CHN1: variants seen among roughly 807,000 people sequenced by gnomAD.
The protein encoded by CHN1 is N-chimaerin.
Under a neutral mutation model 59.5 loss-of-function variants are expected in CHN1, and 37 were observed. The observed-to-expected ratio is 0.62, with a 90% confidence interval of 0.48 to 0.82. CHN1 has a LOEUF of 0.82. Ranked by LOEUF, CHN1 falls within the 40% of genes least tolerant of loss-of-function variation. The probability of loss-of-function intolerance (pLI) is 0.00; values close to 1 mark genes in which losing one functional copy is unlikely to be tolerated. For missense variants in CHN1, 469 were observed against 571.0 expected (o/e 0.82, Z 1.82); for synonymous variants, 206 against 200.4 (o/e 1.03, Z -0.24).
chr2:174,812,587 T>A, intron 8 of CHN1, 105 bp from the exon 9 acceptor site: 1 of 942,230 alleles, frequency 1.1e-6, no homozygotes, highest in Non-Finnish European at 1.6e-6. Context: ...AATTAGGTTT[T>A]AAAGTGGACT....
chr2:174,872,025 T>C (rs1364585937), intron 6 of CHN1, among the ~76,000 whole-genome samples: 1 of 152,182 alleles, frequency 6.6e-6, no homozygotes, highest in East Asian at 1.9e-4. Context: ...CTCACGTCTG[T>C]AATCCCAGCA....
intron 6 of CHN1, among the ~76,000 whole-genome samples, chr2:174,851,659 C>T (rs1686733653): frequency 6.6e-6 from 1 of 152,132 alleles, no homozygotes; most frequent in Non-Finnish European, 1.5e-5. Context: ...GGGGAACGGG[C>T]AGATTCCACA....
In CHN1 at chr2:174,801,885, ATTC is replaced by A. The variant is rs1684734278; in HGVS notation, c.1103-76_1103-74del. ...TGATACAAATGGTTCACTGAATTCT[ATTC>A]TTGTGATAATGCTCTGAAACTGGTA... On this transcript the variant is annotated intron_variant, in intron 11 of 12. Coordinates refer to ENST00000409900, the MANE Select transcript of CHN1 (RefSeq NM_001822.7). The A allele has an allele frequency of 4.6e-6, 5 of 1,090,468 alleles. No homozygotes were observed. In the Admixed American group the frequency reaches 8.6e-5, roughly 19 times the overall value. 67.5% of individuals were successfully genotyped at this position (1,090,468 alleles called of 1,614,324 possible). A position where few individuals can be genotyped will look rare whatever the true frequency, so the allele number is the denominator to read the frequency against.
chr2:174,940,616 C>T (rs1482524612), intron 3 of CHN1, among the ~76,000 whole-genome samples: 4 of 151,834 alleles, frequency 2.6e-5, no homozygotes, highest in East Asian at 1.9e-4. Context: ...TTGTCTGATT[C>T]GTACTTTATA....
chr2:174,937,037 A>G (rs1184310784), intron 3 of CHN1, among the ~76,000 whole-genome samples: 1 of 152,230 alleles, frequency 6.6e-6, no homozygotes, highest in African/African-American at 2.4e-5. Flanking sequence ...TTAGGAAAAA[A>G]GCATTAGTTA....
At chr2:174,836,150 T>TC (rs1266420292) in intron 7 of CHN1, among the ~76,000 whole-genome samples, 3 of 152,134 alleles carry the variant, frequency 2.0e-5, no homozygotes, top group South Asian at 2.1e-4. Context: ...CTGCTTGGAC[T>TC]CCCCCTCCAT....
intron 12 of CHN1, among the ~76,000 whole-genome samples, chr2:174,801,164 A>C (rs1007608023): frequency 6.6e-6 from 1 of 152,200 alleles, no homozygotes; most frequent in African/African-American, 2.4e-5. Flanking sequence ...AAAACATCAA[A>C]CCACAATTAA....
intron 8 of CHN1, among the ~76,000 whole-genome samples, chr2:174,813,911 T>C (rs1311290552): frequency 3.9e-5 from 6 of 152,226 alleles, no homozygotes; most frequent in Non-Finnish European, 7.3e-5. Context: ...GCTTTGAATG[T>C]TGTAAAATGC....
At chr2:174,812,192 C>T in intron 9 of CHN1, 117 bp downstream of exon 9, 1 of 727,872 alleles carries the variant, frequency 1.4e-6, no homozygotes, top group Non-Finnish European at 2.1e-6. Flanking sequence ...CATATGAAAC[C>T]ATTCCCCTCC....
chr2:174,830,999 C>T (rs1213771607), intron 7 of CHN1, among the ~76,000 whole-genome samples: 1 of 152,060 alleles, frequency 6.6e-6, no homozygotes, highest in African/African-American at 2.4e-5. Context: ...GACCATACCA[C>T]AAATAAATGA....
intron 3 of CHN1, among the ~76,000 whole-genome samples, 196 bp downstream of exon 3, chr2:174,944,692 C>T (rs1689774408): frequency 6.6e-6 from 1 of 152,084 alleles, no homozygotes; most frequent in South Asian, 2.1e-4. Flanking sequence ...ATACTGTGTT[C>T]CAAACAGTCC....
rs115345038 is a variant in CHN1 at position 174,984,185 on chromosome 2, C to A, written c.19+20709G>T. Among the ~76,000 whole-genome samples, 570 of 151,838 alleles carry A rather than the reference C, an allele frequency of 3.8e-3. 4 individuals are homozygous for A. The highest frequency in any genetic ancestry group is 0.013 in the African/African-American group (546 of 41,418). ...AAAATAAACACTTTTAAAATAAGATCTTTCAAAGATGTCAGTGGATGAATC... is the reference window on the plus strand; with the variant it reads ...AAAATAAACACTTTTAAAATAAGATATTTCAAAGATGTCAGTGGATGAATC... On this transcript the variant is annotated intron_variant, in intron 1 of 12. Transcript: ENST00000409900.
chr2:174,989,800 A>AG (rs1691476618), intron 1 of CHN1, among the ~76,000 whole-genome samples: 1 of 152,170 alleles, frequency 6.6e-6, no homozygotes, highest in South Asian at 2.1e-4. Flanking sequence ...AAAAAAAAAA[A>AG]AAAGTTGCAT....
chr2:174,902,608 C>T (rs1030284020), intron 5 of CHN1, among the ~76,000 whole-genome samples: 2 of 152,030 alleles, frequency 1.3e-5, no homozygotes, highest in Admixed American at 6.6e-5. Context: ...CATTATTTTT[C>T]ACTTATTCCA....
chr2:174,816,210 C>T (rs6713884), intron 8 of CHN1, among the ~76,000 whole-genome samples: 56,978 of 152,056 alleles, frequency 0.37, 12,282 homozygotes, highest in Admixed American at 0.55. Context: ...GAGGTTGCTG[C>T]TTCTACTATA....
At chr2:174,846,773 A>G in intron 7 of CHN1, 107 bp downstream of exon 7, 1 of 1,130,244 alleles carries the variant, frequency 8.8e-7, no homozygotes, top group Middle Eastern at 3.0e-4. Context: ...TAGCAAGAAC[A>G]TTTTAGTCAA....
intron 6 of CHN1, among the ~76,000 whole-genome samples, chr2:174,859,341 C>T (rs1347343864): frequency 1.3e-5 from 2 of 152,102 alleles, no homozygotes; most frequent in African/African-American, 4.8e-5. Flanking sequence ...GCAGGGAAAA[C>T]ATAGTTTCAG....
At chr2:174,960,928 A>G (rs1574215820) in intron 1 of CHN1, among the ~76,000 whole-genome samples, 1 of 151,648 alleles carries the variant, frequency 6.6e-6, no homozygotes, top group Non-Finnish European at 1.5e-5. Flanking sequence ...GGAGTTCAAG[A>G]CCAGCCTGGG....
At position 174,800,297 on chromosome 2, in the gene CHN1, G is replaced by C; in HGVS notation, c.1209-10C>G. ...TTCGTGGAGGGTCACTCTGAAAAAT[G>C]CAAGTACAGGAATAAATGACTTTGT... On this transcript the variant is annotated splice_polypyrimidine_tract_variant and intron_variant, in intron 12 of 12. Coordinates refer to ENST00000409900, the MANE Select transcript of CHN1 (RefSeq NM_001822.7). The C allele has an allele frequency of 7.0e-7, 1 of 1,428,590 alleles. No homozygotes were observed. The highest frequency in any genetic ancestry group is 1.9e-4 in the Middle Eastern group (1 of 5,282). 88.5% of individuals were successfully genotyped at this position (1,428,590 alleles called of 1,614,324 possible).
Sources: allele counts gnomAD v4.1 joint callset (sites outside exome capture counted in the v4.1 genomes callset), GRCh38; gene constraint gnomAD v4.1.1; transcripts MANE v1.5; gene names NCBI Gene and HGNC (gene_info 2026-07-23, HGNC 2026-07-21).